Variants in EDIL3 observed in about 807,000 individuals in gnomAD.
EDIL3 encodes the protein EGF like and discoidin domains 3.
EDIL3 carries 37 observed loss-of-function variants against 67.4 expected under a neutral mutation model. The observed-to-expected ratio is 0.55, with a 90% CI of 0.42 to 0.72. EDIL3 has a LOEUF of 0.72. EDIL3 is among the 30% of genes least tolerant of loss of function. The probability of loss-of-function intolerance (pLI) is 0.00; values close to 1 mark genes in which losing one functional copy is unlikely to be tolerated. For missense variants in EDIL3, 527 were observed against 586.3 expected (o/e 0.90, Z 1.04); for synonymous variants, 195 against 196.3 (o/e 0.99, Z 0.05).
At chr5:84,306,964 A>C (rs1746285856) in intron 1 of EDIL3, among the ~76,000 whole-genome samples, 1 of 152,212 alleles carries the variant, frequency 6.6e-6, no homozygotes, top group South Asian at 2.1e-4. Flanking sequence ...TACTCAATAA[A>C]ACTTAACTAT....
intron 9 of EDIL3, among the ~76,000 whole-genome samples, chr5:84,002,876 T>C (rs938541001): frequency 3.9e-5 from 6 of 152,156 alleles, no homozygotes; most frequent in Admixed American, 2.6e-4. Context: ...TTCTCTTCCC[T>C]GTGAACCCTT....
chr5:84,180,039 C>A (rs1748987870), intron 4 of EDIL3, among the ~76,000 whole-genome samples: 1 of 151,544 alleles, frequency 6.6e-6, no homozygotes. Flanking sequence ...ATCTCTGAAC[C>A]TAATCACCAG....
intron 6 of EDIL3, among the ~76,000 whole-genome samples, chr5:84,098,358 G>A (rs1345481197): frequency 6.6e-6 from 1 of 152,064 alleles, no homozygotes; most frequent in Non-Finnish European, 1.5e-5. Flanking sequence ...GGTTTCATTT[G>A]AAGGACTGAA....
intron 1 of EDIL3, among the ~76,000 whole-genome samples, chr5:84,355,315 T>A (rs1230083425): frequency 1.3e-5 from 2 of 152,048 alleles, no homozygotes; most frequent in Non-Finnish European, 2.9e-5. Context: ...GTTCTCGTGC[T>A]GTGTTTTTCA....
chr5:84,073,232 C>T (rs558829406), intron 6 of EDIL3, among the ~76,000 whole-genome samples: 1 of 152,226 alleles, frequency 6.6e-6, no homozygotes, highest in East Asian at 1.9e-4. Flanking sequence ...AAACCCACAG[C>T]CAATATCATA....
At chr5:84,300,879 C>T (rs913660709) in intron 1 of EDIL3, among the ~76,000 whole-genome samples, 6 of 151,800 alleles carry the variant, frequency 4.0e-5, no homozygotes, top group Admixed American at 3.3e-4. Context: ...TAAACTAGAC[C>T]TAGAATTTAG....
chr5:83,953,823 G>C (rs1458831165), intron 10 of EDIL3, among the ~76,000 whole-genome samples: 2 of 151,748 alleles, frequency 1.3e-5, no homozygotes, highest in African/African-American at 4.8e-5. Context: ...TCTGTAATAA[G>C]TGTCCCCACA....
intron 9 of EDIL3, among the ~76,000 whole-genome samples, chr5:84,001,861 C>T (rs1469590707): frequency 6.6e-6 from 1 of 151,988 alleles, no homozygotes; most frequent in Non-Finnish European, 1.5e-5. Context: ...CTACTCAAAT[C>T]ATTCTGAAAA....
At chr5:84,001,849 T>C (rs1263643860) in intron 9 of EDIL3, among the ~76,000 whole-genome samples, 1 of 152,012 alleles carries the variant, frequency 6.6e-6, no homozygotes, top group East Asian at 1.9e-4. Flanking sequence ...CTAATACTAA[T>C]CCTACTCAAA....
chr5:84,228,014 G>T (rs1744487896), intron 3 of EDIL3, among the ~76,000 whole-genome samples: 1 of 151,988 alleles, frequency 6.6e-6, no homozygotes, highest in Non-Finnish European at 1.5e-5. Flanking sequence ...TAACCAACCT[G>T]CACATGTGCC....
intron 9 of EDIL3, among the ~76,000 whole-genome samples, chr5:84,008,920 C>G (rs765272657): frequency 2.0e-5 from 3 of 152,188 alleles, no homozygotes; most frequent in Non-Finnish European, 4.4e-5. Context: ...TCAAGCAATT[C>G]TCCTGCCTCA....
At chr5:84,306,485 T>G (rs2112136725) in intron 1 of EDIL3, among the ~76,000 whole-genome samples, 1 of 152,332 alleles carries the variant, frequency 6.6e-6, no homozygotes. Flanking sequence ...GAATTTTCCC[T>G]GGGATCTGGG....
intron 5 of EDIL3, among the ~76,000 whole-genome samples, chr5:84,130,451 A>G (rs1159804732): frequency 6.6e-6 from 1 of 152,176 alleles, no homozygotes; most frequent in Non-Finnish European, 1.5e-5. Flanking sequence ...CATATAATTG[A>G]ATACATTCAC....
At chr5:84,371,351 GTA>G (rs1213269268) in intron 1 of EDIL3, among the ~76,000 whole-genome samples, 45 of 103,722 alleles carry the variant, frequency 4.3e-4, no homozygotes, top group Middle Eastern at 6.1e-3. Flanking sequence ...ATGTGTGTGT[GTA>G]TATATATGTG....
At chr5:83,972,313 T>C (rs976312494) in intron 9 of EDIL3, among the ~76,000 whole-genome samples, 6 of 152,122 alleles carry the variant, frequency 3.9e-5, no homozygotes, top group Non-Finnish European at 7.4e-5. Flanking sequence ...CCACTGAGCC[T>C]CTAGCCTGCT....
At chr5:84,255,253 A>G (rs886736591) in intron 1 of EDIL3, among the ~76,000 whole-genome samples, 1 of 152,224 alleles carries the variant, frequency 6.6e-6, no homozygotes, top group African/African-American at 2.4e-5. Context: ...ATGGCCCAAC[A>G]TAAATATCAA....
intron 3 of EDIL3, among the ~76,000 whole-genome samples, chr5:84,221,892 G>C (rs1744349531): frequency 1.3e-5 from 2 of 151,966 alleles, no homozygotes; most frequent in Non-Finnish European, 2.9e-5. Flanking sequence ...AAACAAAAAT[G>C]AGAATGTGAA....
At chr5:84,176,212 T>TATATATATAAA (rs1554071694) in intron 4 of EDIL3, among the ~76,000 whole-genome samples, 21 of 121,472 alleles carry the variant, frequency 1.7e-4, no homozygotes, top group African/African-American at 9.0e-4. Flanking sequence ...TATATATATA[T>TATATATATAAA]ATATATATAT....
At chr5:84,201,648 T>C (rs1443468649) in intron 3 of EDIL3, among the ~76,000 whole-genome samples, 2 of 152,128 alleles carry the variant, frequency 1.3e-5, no homozygotes, top group African/African-American at 2.4e-5. Context: ...GTCTAATCTT[T>C]TGAATTATTG....
Sources: allele counts gnomAD v4.1 joint callset (sites outside exome capture counted in the v4.1 genomes callset), GRCh38; gene constraint gnomAD v4.1.1; transcripts MANE v1.5; gene names NCBI Gene and HGNC (gene_info 2026-07-23, HGNC 2026-07-21).